Variants in DBNDD1 observed in about 807,000 individuals in gnomAD.
DBNDD1 encodes dysbindin domain containing 1.
In DBNDD1, 14 loss-of-function variants were observed where a neutral mutation model predicts 17.0. That is an observed-to-expected ratio of 0.82 (90% confidence interval 0.54 to 1.29). The LOEUF (loss-of-function observed/expected upper bound fraction) is 1.29. Among genes scored for constraint, DBNDD1 ranks in the 50% most tolerant of loss-of-function variants. The probability of loss-of-function intolerance (pLI) is 0.00; values close to 1 mark genes in which losing one functional copy is unlikely to be tolerated. For synonymous variants in DBNDD1, 105 were observed against 102.0 expected (o/e 1.03, Z -0.18); for missense variants, 221 against 216.2 (o/e 1.02, Z -0.14).
chr16:90,014,018 C>T (rs539844215), intron 1 of DBNDD1, among the ~76,000 whole-genome samples: 2 of 151,816 alleles, frequency 1.3e-5, no homozygotes, highest in Non-Finnish European at 2.9e-5. Context: ...GTGTGCAGGT[C>T]GTGTGGAGAT....
In DBNDD1 at chr16:90,019,102, A is replaced by G. The variant is rs1457428904; in HGVS notation, c.31+209T>C. On this transcript the variant is annotated intron_variant, in intron 1 of 3. Transcript: ENST00000002501. This position sits in a 1 kb window ranked among gnomAD's most constrained non-coding sequence, Gnocchi z 6.1. ...GCTTCCCGGGCCGGGAGCGCAGAGAACAAGGGGGCGGAGACTCGGTCCGTG... is the reference window on the plus strand; with the variant it reads ...GCTTCCCGGGCCGGGAGCGCAGAGAGCAAGGGGGCGGAGACTCGGTCCGTG... 6.6e-6 allele frequency among the ~76,000 whole-genome samples: 1 copy of G among 152,128 alleles called. No individual in the cohort carries two copies. Among genetic ancestry groups the G allele is most frequent in the Non-Finnish European group, 1.5e-5 (1 of 67,986 alleles).
chr16:90,018,445 G>A (rs1597586954), intron 1 of DBNDD1, among the ~76,000 whole-genome samples: 2 of 152,220 alleles, frequency 1.3e-5, no homozygotes, highest in South Asian at 4.1e-4. Context: ...GTTCCAGAGC[G>A]GCAGGCTGGC....
chr16:90,012,383 C>G (rs576305626), intron 1 of DBNDD1, among the ~76,000 whole-genome samples: 2 of 152,260 alleles, frequency 1.3e-5, no homozygotes, highest in East Asian at 1.9e-4. Context: ...GAGCAGCACT[C>G]TGGGGTGTAG....
At chr16:90,017,268 G>A (rs13334570) in intron 1 of DBNDD1, among the ~76,000 whole-genome samples, 42,376 of 152,084 alleles carry the variant, frequency 0.28, 6,275 homozygotes, top group South Asian at 0.43. Context: ...GGCCGAGGCG[G>A]GTGGGTCATG....
intron 1 of DBNDD1, among the ~76,000 whole-genome samples, chr16:90,013,396 C>T (rs564359738): frequency 2.0e-5 from 3 of 151,924 alleles, no homozygotes; most frequent in Admixed American, 2.0e-4. Flanking sequence ...GAGCTTTGTA[C>T]TTGAGAGGAG....
intron 1 of DBNDD1, 42 bp from the exon 2 acceptor site, chr16:90,009,472 T>C: frequency 6.2e-7 from 1 of 1,601,330 alleles, no homozygotes; most frequent in African/African-American, 1.3e-5. Context: ...TCCACAGGGC[T>C]CCCACATCCC....
intron 3 of DBNDD1, among the ~76,000 whole-genome samples, chr16:90,008,214 CCCA>C (rs2035472363): frequency 9.7e-4 from 7 of 7,248 alleles, no homozygotes; most frequent in African/African-American, 2.9e-3. Context: ...GGCCTCACCC[CCCA>C]AACACACCTC....
intron 3 of DBNDD1, chr16:90,007,618 T>G (rs185294560): frequency 2.6e-5 from 4 of 152,430 alleles, no homozygotes; most frequent in African/African-American, 9.6e-5. Context: ...CAGAGGAAGT[T>G]AAGTGAGCTG....
At chr16:90,015,352 A>G (rs980941654) in intron 1 of DBNDD1, among the ~76,000 whole-genome samples, 3 of 152,224 alleles carry the variant, frequency 2.0e-5, no homozygotes, top group Non-Finnish European at 4.4e-5. Flanking sequence ...GCTATAAGGC[A>G]TGCTCGTGGG....
At chr16:90,013,939 A>T (rs2035597475) in intron 1 of DBNDD1, among the ~76,000 whole-genome samples, 1 of 148,312 alleles carries the variant, frequency 6.7e-6, no homozygotes, top group Non-Finnish European at 1.5e-5. Flanking sequence ...GCGGGGGGGG[A>T]CATGCATAAA....
Position 90,009,364 on chromosome 16 carries a change from TTGTCCCC to T in DBNDD1, c.91_97del (p.Gly31MetfsTer30). ...CTCCTCCTCCACAGGCGTGTGGCCA[TTGTCCCC>T]TGTCCCCTGGGCTGGGACGCCCAGC... On this transcript the variant is annotated frameshift_variant, in exon 2 of 4. Transcript: ENST00000002501. LOFTEE classifies it high-confidence loss of function. 1.2e-5 allele frequency: 19 copies of T among 1,613,456 alleles called. No homozygotes were observed. The highest frequency in any genetic ancestry group is 1.6e-5 in the Non-Finnish European group (19 of 1,180,008).
At chr16:90,017,244 C>T (rs1203124177) in intron 1 of DBNDD1, among the ~76,000 whole-genome samples, 1 of 152,204 alleles carries the variant, frequency 6.6e-6, no homozygotes, top group Non-Finnish European at 1.5e-5. Flanking sequence ...GCCTGTAATC[C>T]CAGCACTTTG....
rs2035408064 is a variant in DBNDD1 at position 90,005,646 on chromosome 16, C to G, written c.*689G>C. 6.6e-6 allele frequency: 1 copy of G among 152,348 alleles called. No individual in the cohort carries two copies. The highest frequency in any genetic ancestry group is 2.4e-5 in the African/African-American group (1 of 41,410). 9.4% of individuals were successfully genotyped at this position (152,348 alleles called of 1,614,324 possible). The stretch of plus-strand genomic sequence containing the variant: ...GTCTGGTGATATTTGGTGTTCTGAG[C>G]TAAGGAGGGAATGGACTTGTCTGTC... On this transcript the variant is annotated 3_prime_UTR_variant, in exon 4 of 4. Coordinates refer to ENST00000002501, the MANE Select transcript of DBNDD1 (RefSeq NM_001042610.3).
chr16:90,010,589 A>G (rs1230975397), intron 1 of DBNDD1, among the ~76,000 whole-genome samples: 1 of 144,018 alleles, frequency 6.9e-6, no homozygotes, highest in East Asian at 2.0e-4. Flanking sequence ...TTGGCCTCCC[A>G]AAGTGCTGAG....
chr16:90,015,874 A>G (rs979961578), intron 1 of DBNDD1, among the ~76,000 whole-genome samples: 2 of 151,836 alleles, frequency 1.3e-5, no homozygotes, highest in South Asian at 2.1e-4. Context: ...GAGAACGGGT[A>G]TGGGTTTCTT....
intron 1 of DBNDD1, among the ~76,000 whole-genome samples, chr16:90,015,909 T>G (rs1171890809): frequency 6.6e-6 from 1 of 152,194 alleles, no homozygotes; most frequent in Non-Finnish European, 1.5e-5. Flanking sequence ...GAAGATATTA[T>G]AAAATTAGAT....
intron 1 of DBNDD1, 164 bp from the exon 2 acceptor site, chr16:90,009,594 A>C: frequency 3.7e-6 from 4 of 1,075,394 alleles, no homozygotes; most frequent in Non-Finnish European, 5.3e-6. Context: ...GCCTGGACCC[A>C]GACAAGGGGT....
At position 90,011,063 on chromosome 16, in the gene DBNDD1, C is replaced by T. The variant is rs569306407; in HGVS notation, c.32-1633G>A. On this transcript the variant is annotated intron_variant, in intron 1 of 3. Coordinates refer to ENST00000002501, the MANE Select transcript of DBNDD1 (RefSeq NM_001042610.3). The stretch of plus-strand genomic sequence containing the variant: ...ACCTCCCACCTGAGTGGGTGCCCAG[C>T]GCACGCTTGTCAGATGGATAGGTGC... Among the ~76,000 whole-genome samples, 4 of 152,362 alleles carry T rather than the reference C, an allele frequency of 2.6e-5. No individual in the cohort carries two copies. The South Asian group carries it at 8.3e-4, about 32-fold the overall frequency.
At chr16:90,008,966 C>T (rs1256564255) in intron 2 of DBNDD1, 42 bp from the exon 3 acceptor site, 2 of 1,508,816 alleles carry the variant, frequency 1.3e-6, no homozygotes, top group African/African-American at 1.4e-5. Flanking sequence ...GGCCCTCCCA[C>T]AAGGCTGCTC....
Sources: gnomAD v4.1 joint callset for allele counts (sites outside exome capture counted in the v4.1 genomes callset) on GRCh38, gnomAD v4.1.1 for gene constraint, Gnocchi (gnomAD v3.1) non-coding constraint, MANE v1.5 for transcripts, NCBI Gene and HGNC (gene_info 2026-07-23, HGNC 2026-07-21) for gene names.